The following STEAP3 variants were observed in gnomAD, a reference collection of about 807,000 sequenced individuals.
STEAP3 encodes STEAP3 metalloreductase.
A neutral mutation model predicts 34.9 loss-of-function variants in STEAP3; 35 were observed. The observed-to-expected ratio is 1.00, with a 90% confidence interval of 0.76 to 1.33. The LOEUF is 1.33. Among genes scored for constraint, STEAP3 ranks in the 40% most tolerant of loss-of-function variants. The probability of loss-of-function intolerance (pLI) is 0.00; values close to 1 mark genes in which losing one functional copy is unlikely to be tolerated. For missense variants in STEAP3, 652 were observed against 667.6 expected (o/e 0.98, Z 0.26); for synonymous variants, 281 against 301.6 (o/e 0.93, Z 0.71).
At chr2:119,228,628 A>G (rs1336209442) in intron 1 of STEAP3, among the ~76,000 whole-genome samples, 2 of 152,070 alleles carry the variant, frequency 1.3e-5, no homozygotes, top group African/African-American at 4.8e-5. Context: ...AATCAGGGTG[A>G]TGGGTGGGTG....
chr2:119,231,532 G>A lies in STEAP3; in HGVS notation c.22+498G>A, dbSNP rs572771793. On this transcript the variant is annotated intron_variant, in intron 2 of 5. Coordinates refer to ENST00000393110, the MANE Select transcript of STEAP3 (RefSeq NM_182915.3). ...GAACCAGATTTTTCTGGAATGATTC[G>A]AAAATCTAGCTGTTTGTAAAAAGCT... 4.6e-5 allele frequency among the ~76,000 whole-genome samples: 7 copies of A among 152,198 alleles called. No individual in the cohort carries two copies. In the South Asian group the frequency reaches 1.0e-3, roughly 23 times the overall value.
intron 5 of STEAP3, 119 bp downstream of exon 5, chr2:119,254,967 C>T (rs1045012089): frequency 6.3e-6 from 8 of 1,276,646 alleles, no homozygotes; most frequent in Non-Finnish European, 7.5e-6. Context: ...CAGGACCACT[C>T]GGTGAGATGC....
At chr2:119,238,405 C>T (rs1558745621) in intron 2 of STEAP3, among the ~76,000 whole-genome samples, 1 of 152,194 alleles carries the variant, frequency 6.6e-6, no homozygotes, top group Non-Finnish European at 1.5e-5. Context: ...TGATGCTGAA[C>T]ATCTTTTCAT....
Position 119,263,171 on chromosome 2 carries a change from C to T in STEAP3, c.1330C>T (p.Leu444Phe). ...GTTCTACCTGCCTCCCACCTTCACG[C>T]TCACGCTGCTGGTGCCCTGCGTCGT... ...YKFYLPPTFT[L>F]TLLVPCVVIL... The change falls in exon 6 of 6, where the codon CTC becomes TTC. Residue 444 changes from leucine to phenylalanine, a missense_variant. Coordinates refer to ENST00000393110, the MANE Select transcript of STEAP3 (RefSeq NM_182915.3). 1 of 1,614,210 alleles carries T rather than the reference C, an allele frequency of 6.2e-7. No homozygotes were observed.
chr2:119,249,879 G>A (rs1210065258), intron 4 of STEAP3, among the ~76,000 whole-genome samples: 1 of 152,232 alleles, frequency 6.6e-6, no homozygotes, highest in Non-Finnish European at 1.5e-5. Flanking sequence ...GAAATGAGAG[G>A]AAGGGAAGAA....
intron 1 of STEAP3, among the ~76,000 whole-genome samples, chr2:119,228,634 G>T (rs1679115289): frequency 6.6e-6 from 1 of 152,178 alleles, no homozygotes. Context: ...GGTGATGGGT[G>T]GGTGGAGGGG....
chr2:119,246,063 G>A, intron 3 of STEAP3, 75 bp downstream of exon 3: 1 of 1,522,632 alleles, frequency 6.6e-7, no homozygotes, highest in Non-Finnish European at 8.8e-7. Flanking sequence ...CTGCCAGCAT[G>A]CTCTTTTTGA....
intron 5 of STEAP3, among the ~76,000 whole-genome samples, chr2:119,260,839 C>A (rs541036517): frequency 1.3e-5 from 2 of 152,270 alleles, no homozygotes; most frequent in Non-Finnish European, 2.9e-5. Context: ...TAAAGCCAAT[C>A]GTGGCTTCCT....
intron 4 of STEAP3, 42 bp from the exon 5 acceptor site, chr2:119,254,642 C>T: frequency 6.2e-7 from 1 of 1,610,418 alleles, no homozygotes; most frequent in Non-Finnish European, 8.5e-7. Flanking sequence ...GGGGCACCAG[C>T]CTTTGCCACA....
At chr2:119,235,896 C>T (rs764977497) in intron 2 of STEAP3, among the ~76,000 whole-genome samples, 7 of 152,250 alleles carry the variant, frequency 4.6e-5, no homozygotes, top group South Asian at 4.1e-4. Flanking sequence ...AGCCCAGTGC[C>T]GACCCCAGTG....
chr2:119,258,573 A>G (rs891459177), intron 5 of STEAP3, among the ~76,000 whole-genome samples: 13 of 143,210 alleles, frequency 9.1e-5, no homozygotes, highest in Non-Finnish European at 2.0e-4. Context: ...AAAGTTTTAC[A>G]TGTTGTTTTG....
chr2:119,251,422 G>A (rs1008375155), intron 4 of STEAP3, among the ~76,000 whole-genome samples: 2 of 152,148 alleles, frequency 1.3e-5, no homozygotes, highest in African/African-American at 2.4e-5. Context: ...AACAATAACC[G>A]ATATTTGTAC....
In STEAP3 at chr2:119,263,369, A is replaced by G; in HGVS notation, c.*31A>G. ...CTGCCCTGGGCTCTGGACCCCGGGC[A>G]CACGAGGGACGGTGCCCTGAGCCCG... is the stretch of plus-strand genomic sequence containing the variant. On this transcript the variant is annotated 3_prime_UTR_variant, in exon 6 of 6. Transcript: ENST00000393110. 1 of 1,600,748 alleles carries G rather than the reference A, an allele frequency of 6.2e-7. No individual in the cohort carries two copies. The highest frequency in any genetic ancestry group is 8.5e-7 in the Non-Finnish European group (1 of 1,174,114).
chr2:119,262,940 CG>C, intron 5 of STEAP3, 116 bp from the exon 6 acceptor site: 1 of 1,374,306 alleles, frequency 7.3e-7, no homozygotes, highest in Non-Finnish European at 1.0e-6. Flanking sequence ...CAACCCATAG[CG>C]GTGAGTACTA....
intron 4 of STEAP3, among the ~76,000 whole-genome samples, chr2:119,250,707 GC>G (rs1558754363): frequency 6.6e-6 from 1 of 152,208 alleles, no homozygotes; most frequent in East Asian, 1.9e-4. Context: ...CCCTTCAACT[GC>G]CTTTGTCTAA....
At position 119,263,737 on chromosome 2, in the gene STEAP3, A is replaced by T; in HGVS notation, c.*399A>T. On this transcript the variant is annotated 3_prime_UTR_variant, in exon 6 of 6. Coordinates refer to ENST00000393110, the MANE Select transcript of STEAP3 (RefSeq NM_182915.3). ...TGGTGGGTTCGATTTATCCCTGCCC[A>T]CCCCACCCCCACAACTTCCCTTTTG... 3.4e-6 allele frequency: 1 copy of T among 292,558 alleles called. No individual in the cohort carries two copies. Among genetic ancestry groups the T allele is most frequent in the Non-Finnish European group, 6.5e-6 (1 of 153,058 alleles). The allele number at this position is 292,558 out of a possible 1,614,324, so 18.1% of individuals were successfully genotyped here.
intron 2 of STEAP3, among the ~76,000 whole-genome samples, chr2:119,241,146 A>T (rs534727306): frequency 2.6e-5 from 4 of 152,158 alleles, no homozygotes; most frequent in African/African-American, 9.6e-5. Context: ...CTGAGCTTTT[A>T]CACATATTAA....
chr2:119,238,767 G>A (rs1363787009), intron 2 of STEAP3, among the ~76,000 whole-genome samples: 3 of 152,192 alleles, frequency 2.0e-5, no homozygotes, highest in Non-Finnish European at 4.4e-5. Context: ...AGGTTGGGGT[G>A]ATCCCTGGGG....
chr2:119,242,678 A>G (rs1219605678), intron 2 of STEAP3, among the ~76,000 whole-genome samples: 1 of 152,220 alleles, frequency 6.6e-6, no homozygotes, highest in African/African-American at 2.4e-5. Flanking sequence ...TGTGCTCAGC[A>G]CTGTTCTAAG....
Sources: allele counts gnomAD v4.1 joint callset (sites outside exome capture counted in the v4.1 genomes callset), GRCh38; gene constraint gnomAD v4.1.1; transcripts MANE v1.5; gene names NCBI Gene and HGNC (gene_info 2026-07-23, HGNC 2026-07-21).